Variants in KAZN observed in about 807,000 individuals in gnomAD.
KAZN encodes kazrin, periplakin interacting protein.
A neutral mutation model predicts 87.4 loss-of-function variants in KAZN; 40 were observed. That is an observed-to-expected ratio of 0.46 (90% confidence interval 0.36 to 0.60). KAZN has a LOEUF of 0.60. KAZN is among the 20% of genes least tolerant of loss of function. The pLI is 0.00. For missense variants in KAZN, 898 were observed against 1,073.9 expected (o/e 0.84, Z 2.29); for synonymous variants, 466 against 458.3 (o/e 1.02, Z -0.22).
intron 2 of KAZN, among the ~76,000 whole-genome samples, chr1:14,985,312 ATG>A (rs1666692381): frequency 7.8e-6 from 1 of 128,198 alleles, no homozygotes; most frequent in African/African-American, 3.3e-5. Context: ...GGAGAATCAC[ATG>A]AGCTGAGGAG....
intron 2 of KAZN, among the ~76,000 whole-genome samples, chr1:14,369,885 A>T (rs954217949): frequency 1.3e-5 from 2 of 152,208 alleles, no homozygotes; most frequent in African/African-American, 4.8e-5. Context: ...TGCTTAGTCT[A>T]AGTCACTATC....
In KAZN at chr1:14,475,034, A is replaced by C. The variant is rs143892024; in HGVS notation, c.250-123949A>C. ...GATGGATGAATGGATGGAGGGATAA[A>C]TTGTAGATGGATATTGGATGGATGG... On this transcript the variant is annotated intron_variant, in intron 2 of 16. Coordinates refer to the KAZN transcript ENST00000636203. 8.3e-3 allele frequency among the ~76,000 whole-genome samples: 1,267 copies of C among 152,060 alleles called. 19 individuals carry two copies. The highest frequency in any genetic ancestry group is 0.029 in the African/African-American group (1,211 of 41,474).
chr1:14,877,034 G>A (rs1652842366), intron 1 of KAZN, among the ~76,000 whole-genome samples: 1 of 152,216 alleles, frequency 6.6e-6, no homozygotes, highest in Non-Finnish European at 1.5e-5. Context: ...TGGTTCTGGT[G>A]ATTCAAAATA....
At position 14,550,738 on chromosome 1, in the gene KAZN, T is replaced by TCTCTCTCTCC. The variant is rs1329797253; in HGVS notation, c.250-48244_250-48243insTCTCTCTCCC. On this transcript the variant is annotated intron_variant, in intron 2 of 16. Transcript: ENST00000636203. Reference sequence around the variant, plus strand: ...CTCTCTCTCTCTCTCTCTCTCTCTCTCCCCCACCCCGCCACCCCCTCTCCC... The same window carrying TCTCTCTCTCC: ...CTCTCTCTCTCTCTCTCTCTCTCTCTCTCTCTCTCCCCCCCACCCCGCCACCCCCTCTCCC... 4.0e-3 allele frequency among the ~76,000 whole-genome samples: 152 copies of TCTCTCTCTCC among 37,958 alleles called. 1 individual carries two copies. Among genetic ancestry groups the TCTCTCTCTCC allele is most frequent in the Non-Finnish European group, 5.4e-3 (102 of 18,818 alleles). 24.9% of individuals were successfully genotyped at this position (37,958 alleles called of 152,430 possible). A position where few individuals can be genotyped will look rare whatever the true frequency, so the allele number is the denominator to read the frequency against.
intron 2 of KAZN, among the ~76,000 whole-genome samples, chr1:14,381,112 C>A (rs572013441): frequency 6.6e-6 from 1 of 152,084 alleles, no homozygotes; most frequent in Non-Finnish European, 1.5e-5. Flanking sequence ...CACTGGAGCA[C>A]CCAGGTATGT....
intron 2 of KAZN, among the ~76,000 whole-genome samples, chr1:14,246,665 G>A (rs767696211): frequency 6.6e-5 from 10 of 152,018 alleles, no homozygotes; most frequent in South Asian, 4.1e-4. Flanking sequence ...CTAATTACTC[G>A]ATGGTGATGA....
intron 1 of KAZN, among the ~76,000 whole-genome samples, chr1:14,661,670 C>T (rs997341743): frequency 1.1e-3 from 6 of 5,458 alleles, no homozygotes; most frequent in East Asian, 6.8e-3. Context: ...GACGGGGGGG[C>T]GGGAGGGAGG....
chr1:14,068,785 A>T (rs1643118758), intron 1 of KAZN, among the ~76,000 whole-genome samples: 1 of 149,592 alleles, frequency 6.7e-6, no homozygotes, highest in African/African-American at 2.5e-5. Flanking sequence ...GGAAGCAAGA[A>T]GTTGTTGAGT....
At chr1:15,102,044 C>T (rs946624602) in intron 11 of KAZN, among the ~76,000 whole-genome samples, 2 of 152,126 alleles carry the variant, frequency 1.3e-5, no homozygotes, top group Non-Finnish European at 2.9e-5. Flanking sequence ...GCGCTGTGCT[C>T]AGTGCAGGGG....
intron 2 of KAZN, among the ~76,000 whole-genome samples, chr1:15,026,048 C>T (rs184285655): frequency 2.2e-4 from 33 of 152,308 alleles, no homozygotes; most frequent in Middle Eastern, 6.8e-3. Context: ...AACTGCTGTC[C>T]GCCCATCCCA....
chr1:14,667,067 C>G (rs1309878515), intron 1 of KAZN, among the ~76,000 whole-genome samples: 1 of 152,206 alleles, frequency 6.6e-6, no homozygotes, highest in Non-Finnish European at 1.5e-5. Flanking sequence ...GACGTCATCT[C>G]AAGATTCTTA....
At chr1:14,496,306 G>C (rs1329599322) in intron 2 of KAZN, among the ~76,000 whole-genome samples, 1 of 152,104 alleles carries the variant, frequency 6.6e-6, no homozygotes, top group Non-Finnish European at 1.5e-5. Context: ...ATAGAAACAA[G>C]GAATGTTTGA....
intron 2 of KAZN, among the ~76,000 whole-genome samples, chr1:14,222,721 G>A (rs991577094): frequency 6.6e-6 from 1 of 152,196 alleles, no homozygotes; most frequent in South Asian, 2.1e-4. Flanking sequence ...TCTCCCAAGA[G>A]GGATGAATGT....
intron 1 of KAZN, among the ~76,000 whole-genome samples, chr1:13,966,054 C>T (rs533604784): frequency 2.6e-5 from 4 of 152,190 alleles, no homozygotes; most frequent in South Asian, 2.1e-4. Flanking sequence ...CCAAGTCCTT[C>T]TTTCTCATCA....
At chr1:14,760,161 G>T (rs547767273) in intron 1 of KAZN, among the ~76,000 whole-genome samples, 1 of 151,952 alleles carries the variant, frequency 6.6e-6, no homozygotes, top group East Asian at 1.9e-4. Context: ...ACCAATGCTC[G>T]CCTGGCTTCC....
chr1:15,053,482 C>A (rs1415916558), intron 4 of KAZN, among the ~76,000 whole-genome samples: 4 of 152,234 alleles, frequency 2.6e-5, no homozygotes, highest in African/African-American at 7.2e-5. Flanking sequence ...ATTTATCCTG[C>A]AGGTTCTTAC....
chr1:13,954,135 C>T (rs1641454604), intron 1 of KAZN, among the ~76,000 whole-genome samples: 2 of 152,244 alleles, frequency 1.3e-5, no homozygotes, highest in South Asian at 2.1e-4. Flanking sequence ...ACCCAGGAGG[C>T]GGAGGTCGCA....
At chr1:15,035,030 C>A in intron 3 of KAZN, 145 bp downstream of exon 3, 2 of 1,019,590 alleles carry the variant, frequency 2.0e-6, no homozygotes, top group Non-Finnish European at 2.8e-6. Flanking sequence ...GGCCTAGGCA[C>A]CGAGATAAAA....
At chr1:14,788,354 A>C (rs1645573046) in intron 1 of KAZN, among the ~76,000 whole-genome samples, 1 of 152,222 alleles carries the variant, frequency 6.6e-6, no homozygotes, top group Admixed American at 6.5e-5. Context: ...TGGGACTCCA[A>C]TAGGAGTAAG....
Sources: allele counts gnomAD v4.1 joint callset (sites outside exome capture counted in the v4.1 genomes callset), GRCh38; gene constraint gnomAD v4.1.1; transcripts MANE v1.5; gene names NCBI Gene and HGNC (gene_info 2026-07-23, HGNC 2026-07-21).